Variants in ENKUR observed in about 807,000 individuals in gnomAD.
The protein encoded by ENKUR is enkurin.
A neutral mutation model predicts 27.6 loss-of-function variants in ENKUR; 19 were observed. The observed-to-expected ratio is 0.69, with a 90% confidence interval of 0.48 to 1.01. The LOEUF (loss-of-function observed/expected upper bound fraction) is 1.01. Among genes scored for constraint, ENKUR ranks in the 50% least tolerant of loss-of-function variants. The pLI is 0.00. For synonymous variants in ENKUR, 117 were observed against 96.9 expected (o/e 1.21, Z -1.22); for missense variants, 312 against 310.5 (o/e 1.00, Z -0.04).
chr10:25,008,410 T>C (rs1400729530), intron 1 of ENKUR, among the ~76,000 whole-genome samples: 3 of 152,188 alleles, frequency 2.0e-5, no homozygotes, highest in Non-Finnish European at 2.9e-5. Flanking sequence ...TAAGAGTTCC[T>C]AATAGTCAAG....
At chr10:25,016,286 T>C, upstream of ENKUR, 1 of 571,982 alleles carries the variant, frequency 1.7e-6, no homozygotes, top group Non-Finnish European at 2.3e-6. Flanking sequence ...CCACTGTTTT[T>C]ACGTGCCTTT....
intron 2 of ENKUR, among the ~76,000 whole-genome samples, chr10:25,059,185 T>A (rs1236289247): frequency 1.6e-4 from 24 of 147,880 alleles, no homozygotes; most frequent in African/African-American, 5.8e-4. Context: ...CAGGCTGGAG[T>A]GCAATGGCGC....
At chr10:25,022,562 A>G (rs1346189450) in intron 2 of ENKUR, among the ~76,000 whole-genome samples, 1 of 152,220 alleles carries the variant, frequency 6.6e-6, no homozygotes, top group Non-Finnish European at 1.5e-5. Flanking sequence ...AAGAAAGAAA[A>G]TGTCATACCT....
At chr10:25,059,795 G>A (rs1851306218) in intron 2 of ENKUR, among the ~76,000 whole-genome samples, 1 of 151,906 alleles carries the variant, frequency 6.6e-6, no homozygotes, top group Non-Finnish European at 1.5e-5. Flanking sequence ...CTGCATTCCA[G>A]CCTGGGTGAC....
At position 25,027,356 on chromosome 10, in the gene ENKUR, TCAAAAAAAAAAAAAA is replaced by T. The variant is rs1419687511; in HGVS notation, c.38-31502_38-31488del. On this transcript the variant is annotated intron_variant, in intron 2 of 5. Transcript: ENST00000615958. Reference sequence around the variant, plus strand: ...TGGGTGACAGAGCAAGACTCCCGTCTCAAAAAAAAAAAAAAAAAAAAAAAAAAAAAACTAGCCAGG... The same window carrying T: ...TGGGTGACAGAGCAAGACTCCCGTCTAAAAAAAAAAAAAAAACTAGCCAGG... Among the ~76,000 whole-genome samples the T allele has an allele frequency of 6.1e-4, 28 of 45,736 alleles. 1 individual carries two copies. In the East Asian group the frequency reaches 9.0e-3, roughly 15 times the overall value. The allele number at this position is 45,736 out of a possible 152,430, so 30.0% of individuals were successfully genotyped here.
At chr10:25,035,469 C>T (rs1479255032) in intron 2 of ENKUR, among the ~76,000 whole-genome samples, 3 of 151,972 alleles carry the variant, frequency 2.0e-5, no homozygotes, top group African/African-American at 4.8e-5. Flanking sequence ...GCAGGAGAAT[C>T]GCTTGAATCC....
chr10:25,043,901 T>C (rs1311114991), intron 2 of ENKUR, among the ~76,000 whole-genome samples: 10 of 152,196 alleles, frequency 6.6e-5, no homozygotes, highest in African/African-American at 2.4e-4. Flanking sequence ...TTCTTTTTTT[T>C]TTTTTTAGTT....
chr10:25,001,851 T>G (rs1850195203), intron 1 of ENKUR, among the ~76,000 whole-genome samples: 1 of 152,218 alleles, frequency 6.6e-6, no homozygotes, highest in African/African-American at 2.4e-5. Context: ...GTGTCTGTCT[T>G]TACTATGTTT....
intron 2 of ENKUR, among the ~76,000 whole-genome samples, chr10:25,053,649 A>G (rs1851213774): frequency 6.6e-6 from 1 of 152,128 alleles, no homozygotes; most frequent in African/African-American, 2.4e-5. Flanking sequence ...TATTAACAAT[A>G]TTACCTTCGG....
At chr10:25,031,298 G>A (rs1850931979) in intron 2 of ENKUR, among the ~76,000 whole-genome samples, 1 of 152,120 alleles carries the variant, frequency 6.6e-6, no homozygotes. Context: ...TTCAAGACCA[G>A]GCCATAAGGG....
chr10:25,042,541 C>G lies in ENKUR; in HGVS notation c.37+18571G>C, dbSNP rs144346761. Among the ~76,000 whole-genome samples the G allele has an allele frequency of 1.9e-3, 284 of 152,112 alleles. 5 individuals carry two copies. The highest frequency in any genetic ancestry group is 6.6e-3 in the African/African-American group (276 of 41,514). ...AACTTCTGACCTCAGGTGATCCACC[C>G]GCCTTGGCCTCCCAAATTGCTGAGA... On this transcript the variant is annotated intron_variant, in intron 2 of 5. Coordinates refer to the ENKUR transcript ENST00000615958.
chr10:25,030,667 T>C (rs556675104), intron 2 of ENKUR, among the ~76,000 whole-genome samples: 6 of 152,344 alleles, frequency 3.9e-5, no homozygotes, highest in South Asian at 4.1e-4. Flanking sequence ...TTTCTCAATA[T>C]GGAAATTTAT....
At chr10:25,042,420 G>A (rs560576928) in intron 2 of ENKUR, among the ~76,000 whole-genome samples, 11 of 151,758 alleles carry the variant, frequency 7.2e-5, no homozygotes, top group Non-Finnish European at 1.2e-4. Context: ...TCAGCCTCCC[G>A]AGTAGCTGGG....
At chr10:25,002,806 G>A (rs781388148) in intron 1 of ENKUR, among the ~76,000 whole-genome samples, 33 of 152,038 alleles carry the variant, frequency 2.2e-4, no homozygotes, top group African/African-American at 7.3e-4. Flanking sequence ...AACTGAATGA[G>A]CTCATTAGAT....
intron 4 of ENKUR, among the ~76,000 whole-genome samples, 165 bp downstream of exon 4, chr10:24,990,298 C>T (rs1849896833): frequency 1.3e-5 from 2 of 152,176 alleles, no homozygotes; most frequent in Non-Finnish European, 2.9e-5. Context: ...TTTTTGCTCT[C>T]TCCAAAGAGT....
chr10:25,017,437 G>T (rs949279640), upstream of ENKUR, among the ~76,000 whole-genome samples: 1 of 152,108 alleles, frequency 6.6e-6, no homozygotes, highest in Non-Finnish European at 1.5e-5. Flanking sequence ...AAAGCTTCCC[G>T]GAGAGGAGAG....
exon 1 of ENKUR, chr10:25,062,244 CTT>C (rs138782473): frequency 0.027 from 4,162 of 152,286 alleles, 121 homozygotes; most frequent in African/African-American, 0.074. Context: ...TTGTTGCTCT[CTT>C]GTCACTTTTC....
intron 2 of ENKUR, among the ~76,000 whole-genome samples, chr10:25,022,352 C>A (rs1362169391): frequency 6.6e-6 from 1 of 152,140 alleles, no homozygotes; most frequent in Non-Finnish European, 1.5e-5. Flanking sequence ...TGAGTTAAAT[C>A]TCTCCACTGA....
chr10:25,045,556 C>A (rs918317424), intron 2 of ENKUR, among the ~76,000 whole-genome samples: 1 of 152,134 alleles, frequency 6.6e-6, no homozygotes, highest in African/African-American at 2.4e-5. Context: ...ATAAGATCTG[C>A]AGGCTAACCA....
Sources: allele counts gnomAD v4.1 joint callset (sites outside exome capture counted in the v4.1 genomes callset), GRCh38; gene constraint gnomAD v4.1.1; transcripts MANE v1.5; gene names NCBI Gene and HGNC (gene_info 2026-07-23, HGNC 2026-07-21).